Variants in ADARB2 observed in about 807,000 individuals in gnomAD.
ADARB2 encodes inactive double-stranded RNA-specific editase B2.
A neutral mutation model predicts 62.2 loss-of-function variants in ADARB2; 25 were observed. That is an observed-to-expected ratio of 0.40 (90% confidence interval 0.29 to 0.56). ADARB2 has a LOEUF of 0.56. Among genes scored for constraint, ADARB2 ranks in the 20% least tolerant of loss-of-function variants. The pLI, the probability that ADARB2 is intolerant of heterozygous loss-of-function variation, is 0.43. For missense variants in ADARB2, 1,071 were observed against 1,077.4 expected, an observed-to-expected ratio of 0.99 and a Z score of 0.08; for synonymous variants, 572 against 500.8, an observed-to-expected ratio of 1.14 and a Z score of -1.90.
At chr10:1,455,044 T>C (rs545231442) in intron 1 of ADARB2, among the ~76,000 whole-genome samples, 5 of 152,346 alleles carry the variant, frequency 3.3e-5, no homozygotes, top group African/African-American at 1.2e-4. Context: ...CAAACTCCTT[T>C]AGGGCTTTTC....
At chr10:1,318,190 CAAAT>C (rs1468721769) in intron 3 of ADARB2, among the ~76,000 whole-genome samples, 1 of 152,192 alleles carries the variant, frequency 6.6e-6, no homozygotes, top group African/African-American at 2.4e-5. Flanking sequence ...CACAATCAAT[CAAAT>C]AAAACAGCAA....
intron 3 of ADARB2, chr10:1,292,206 C>T (rs889893295): frequency 1.1e-4 from 16 of 152,364 alleles, no homozygotes; most frequent in Admixed American, 5.2e-4. Flanking sequence ...CTCAAGCCAT[C>T]CTCCCGCCTC....
intron 1 of ADARB2, among the ~76,000 whole-genome samples, chr10:1,512,318 C>T (rs986003634): frequency 8.6e-5 from 13 of 152,044 alleles, no homozygotes; most frequent in Non-Finnish European, 8.8e-5. Context: ...GATACCAAGA[C>T]ATTGATGCTG....
At chr10:1,466,196 C>T (rs1831253262) in intron 1 of ADARB2, among the ~76,000 whole-genome samples, 1 of 152,240 alleles carries the variant, frequency 6.6e-6, no homozygotes, top group African/African-American at 2.4e-5. Flanking sequence ...TGACATGAAG[C>T]TGGCCTCGGA....
At chr10:1,468,457 C>A (rs1265955252) in intron 1 of ADARB2, among the ~76,000 whole-genome samples, 1 of 152,204 alleles carries the variant, frequency 6.6e-6, no homozygotes, top group Non-Finnish European at 1.5e-5. Flanking sequence ...GCGCTTTTGT[C>A]CAACTCATCC....
rs116986058 is a variant in ADARB2, at chr10:1,667,990, G to A, written c.100+69061C>T. 8.8e-3 allele frequency among the ~76,000 whole-genome samples: 1,339 copies of A among 152,292 alleles called. 16 individuals carry two copies. Among genetic ancestry groups the A allele is most frequent in the East Asian group, 0.042 (217 of 5,174 alleles). Reference sequence around the variant, plus strand: ...CATTAGGTCACTTCTCTCTGACAAGGACACCCTCCTTGGCTAAAGGCTGGT... The same window carrying A: ...CATTAGGTCACTTCTCTCTGACAAGAACACCCTCCTTGGCTAAAGGCTGGT... On this transcript the variant is annotated intron_variant, in intron 1 of 9. Coordinates refer to ENST00000381312, the MANE Select transcript of ADARB2 (RefSeq NM_018702.4).
chr10:1,736,771 G>A (rs964837156), intron 1 of ADARB2, among the ~76,000 whole-genome samples: 1 of 152,200 alleles, frequency 6.6e-6, no homozygotes, highest in East Asian at 1.9e-4. Flanking sequence ...CCGGAGACGC[G>A]CGGGGTCCCC....
At chr10:1,662,401 C>A (rs890180911) in intron 1 of ADARB2, among the ~76,000 whole-genome samples, 2 of 152,134 alleles carry the variant, frequency 1.3e-5, no homozygotes, top group East Asian at 1.9e-4. Flanking sequence ...GAGCCCCCTG[C>A]AGAGCTTCCC....
intron 1 of ADARB2, among the ~76,000 whole-genome samples, chr10:1,683,916 G>A (rs1004817073): frequency 8.5e-5 from 13 of 152,212 alleles, no homozygotes; most frequent in South Asian, 8.3e-4. Flanking sequence ...AGACTGCACC[G>A]AAAGGTGCCC....
At position 1,217,112 on chromosome 10, in the gene ADARB2, G is replaced by T; in HGVS notation, c.1521C>A (p.Ser507Arg). 6.3e-7 allele frequency: 1 copy of T among 1,595,522 alleles called. No individual in the cohort carries two copies. Among genetic ancestry groups the T allele is most frequent in the Non-Finnish European group, 8.5e-7 (1 of 1,171,528 alleles). Reference protein sequence around the residue: ...SPYEITTDLHSSKHLVRKFRG... With the variant: ...SPYEITTDLHRSKHLVRKFRG... ...GGAACTTCCTGACGAGGTGTTTGCT[G>T]CTGTGCACTAGGAGATAAAAGGGCG... The change falls in exon 7 of 10, where the codon AGC becomes AGA. Residue 507 changes from serine (S) to arginine (R), a missense_variant. Transcript: ENST00000381312.
At chr10:1,732,654 T>C (rs1163083092) in intron 1 of ADARB2, among the ~76,000 whole-genome samples, 1 of 152,228 alleles carries the variant, frequency 6.6e-6, no homozygotes, top group Non-Finnish European at 1.5e-5. Flanking sequence ...GTGAGCGAGA[T>C]AAGCGGAGGA....
At chr10:1,610,366 G>A (rs1021596755) in intron 1 of ADARB2, among the ~76,000 whole-genome samples, 5 of 152,196 alleles carry the variant, frequency 3.3e-5, no homozygotes, top group African/African-American at 1.2e-4. Flanking sequence ...CCAGAAACAG[G>A]CTTTGCTCCC....
chr10:1,457,520 TA>T (rs1831109710), intron 1 of ADARB2, among the ~76,000 whole-genome samples: 1 of 152,082 alleles, frequency 6.6e-6, no homozygotes, highest in Admixed American at 6.6e-5. Flanking sequence ...ACTCGGGAAA[TA>T]AAATGGAATC....
intron 3 of ADARB2, among the ~76,000 whole-genome samples, chr10:1,305,906 A>C (rs1418727140): frequency 6.6e-6 from 1 of 150,908 alleles, no homozygotes; most frequent in Non-Finnish European, 1.5e-5. Context: ...CATATTTCAA[A>C]ATAATAAGAG....
At chr10:1,481,774 T>G (rs1045854695) in intron 1 of ADARB2, among the ~76,000 whole-genome samples, 6 of 151,476 alleles carry the variant, frequency 4.0e-5, no homozygotes, top group East Asian at 1.9e-4. Context: ...GGAGAATGGC[T>G]TGAACCCAGG....
chr10:1,187,063 C>A (rs991408615), intron 8 of ADARB2, among the ~76,000 whole-genome samples: 2 of 152,244 alleles, frequency 1.3e-5, no homozygotes, highest in African/African-American at 4.8e-5. Flanking sequence ...CCAACCACTT[C>A]GAAAGTCACC....
At chr10:1,410,940 T>A (rs1432531292) in intron 1 of ADARB2, among the ~76,000 whole-genome samples, 1 of 152,182 alleles carries the variant, frequency 6.6e-6, no homozygotes, top group Non-Finnish European at 1.5e-5. Context: ...CTGCGCCCTG[T>A]CCTCCTGGAG....
intron 1 of ADARB2, among the ~76,000 whole-genome samples, chr10:1,722,495 T>C (rs1250653983): frequency 1.3e-5 from 2 of 152,358 alleles, no homozygotes; most frequent in Middle Eastern, 3.4e-3. Context: ...TAGGTCCTCA[T>C]TGTAAATCTA....
intron 1 of ADARB2, among the ~76,000 whole-genome samples, chr10:1,608,404 G>T (rs575957997): frequency 3.6e-4 from 54 of 152,036 alleles, no homozygotes; most frequent in Non-Finnish European, 6.0e-4. Flanking sequence ...GTGCATGAAA[G>T]AACTCTACCA....
Sources: allele counts gnomAD v4.1 joint callset (sites outside exome capture counted in the v4.1 genomes callset), GRCh38; gene constraint gnomAD v4.1.1; transcripts MANE v1.5; gene names NCBI Gene and HGNC (gene_info 2026-07-23, HGNC 2026-07-21).